The following ANO2 variants were observed in gnomAD, a reference collection of about 807,000 sequenced individuals.
The protein encoded by ANO2 is anoctamin-2.
A neutral mutation model predicts 124.2 loss-of-function variants in ANO2; 101 were observed. The observed-to-expected ratio is 0.81, with a 90% CI of 0.69 to 0.96. The LOEUF (loss-of-function observed/expected upper bound fraction) is 0.96, where lower values mean the gene tolerates loss of function less well. ANO2 is among the 40% of genes least tolerant of loss of function. The pLI is 0.00. For missense variants in ANO2, 1,293 were observed against 1,274.5 expected (o/e 1.01, Z -0.22); for synonymous variants, 486 against 482.5 (o/e 1.01, Z -0.09).
chr12:5,756,190 T>C (rs1267590580), intron 10 of ANO2, among the ~76,000 whole-genome samples: 1 of 152,092 alleles, frequency 6.6e-6, no homozygotes, highest in Non-Finnish European at 1.5e-5. Context: ...TCTTCAGTTC[T>C]AGGATTTCAC....
At chr12:5,822,616 C>T (rs906773887) in intron 7 of ANO2, among the ~76,000 whole-genome samples, 1 of 152,140 alleles carries the variant, frequency 6.6e-6, no homozygotes, top group Non-Finnish European at 1.5e-5. Flanking sequence ...GGCACCATTC[C>T]TGGGGGTGAT....
At chr12:5,652,583 A>T (rs1946966186) in intron 14 of ANO2, among the ~76,000 whole-genome samples, 2 of 152,008 alleles carry the variant, frequency 1.3e-5, no homozygotes, top group South Asian at 4.2e-4. Flanking sequence ...AAGCTGTGAT[A>T]GTTTCTCAGA....
intron 16 of ANO2, among the ~76,000 whole-genome samples, chr12:5,626,303 G>A (rs979379425): frequency 1.3e-5 from 2 of 152,114 alleles, no homozygotes; most frequent in Non-Finnish European, 2.9e-5. Context: ...TCAGGGTGTC[G>A]GATGGCATCC....
At chr12:5,659,453 A>G (rs1409125000) in intron 14 of ANO2, among the ~76,000 whole-genome samples, 2 of 152,024 alleles carry the variant, frequency 1.3e-5, no homozygotes, top group African/African-American at 4.8e-5. Context: ...CCTATGACTG[A>G]CCCTCGAAGC....
At chr12:5,694,917 T>C (rs1165369281) in intron 14 of ANO2, among the ~76,000 whole-genome samples, 2 of 152,048 alleles carry the variant, frequency 1.3e-5, no homozygotes, top group Non-Finnish European at 2.9e-5. Context: ...GTTTCCTCAT[T>C]AGAGAAACAG....
intron 10 of ANO2, among the ~76,000 whole-genome samples, chr12:5,796,227 G>T (rs1199045964): frequency 4.7e-5 from 7 of 147,966 alleles, no homozygotes; most frequent in African/African-American, 1.8e-4. Flanking sequence ...TGACACACAT[G>T]AACACACTCA....
chr12:5,770,992 A>G lies in ANO2; in HGVS notation c.1056-20022T>C, dbSNP rs554020581. 3.3e-5 allele frequency among the ~76,000 whole-genome samples: 5 copies of G among 152,044 alleles called. No individual in the cohort carries two copies. In the South Asian group the frequency reaches 1.0e-3, roughly 32 times the overall value. On this transcript the variant is annotated intron_variant, in intron 10 of 24. Transcript: ENST00000682330. ...GATCACCCCATCCCAAATGGCCCCA[A>G]CCTCTCTTCCTGCTTCGTCTTTCCT...
At chr12:5,824,836 A>T (rs555645797) in intron 7 of ANO2, among the ~76,000 whole-genome samples, 21 of 152,254 alleles carry the variant, frequency 1.4e-4, no homozygotes, top group African/African-American at 4.8e-4. Flanking sequence ...TCATGGTGGG[A>T]GGGGAAAGGC....
chr12:5,707,472 G>A (rs953042705), intron 14 of ANO2, among the ~76,000 whole-genome samples: 4 of 152,066 alleles, frequency 2.6e-5, no homozygotes, highest in Non-Finnish European at 5.9e-5. Flanking sequence ...ATTACCACTC[G>A]GTGAGTTAGG....
chr12:5,788,823 T>A (rs987163897), intron 10 of ANO2, among the ~76,000 whole-genome samples: 1 of 152,236 alleles, frequency 6.6e-6, no homozygotes, highest in Non-Finnish European at 1.5e-5. Flanking sequence ...CCTCTCAAAG[T>A]GCTGGGATTA....
chr12:5,564,926 C>T (rs144545123), intron 24 of ANO2, among the ~76,000 whole-genome samples: 166 of 152,244 alleles, frequency 1.1e-3, no homozygotes, highest in East Asian at 3.9e-3. Context: ...GATCTGGGCT[C>T]GTTCTCCAGC....
intron 7 of ANO2, among the ~76,000 whole-genome samples, chr12:5,816,170 A>C (rs1953603822): frequency 1.3e-5 from 2 of 150,858 alleles, no homozygotes. Flanking sequence ...TTTAATGAGG[A>C]AACAACCTTC....
intron 20 of ANO2, among the ~76,000 whole-genome samples, chr12:5,592,437 T>C (rs946403122): frequency 6.6e-6 from 1 of 152,002 alleles, no homozygotes; most frequent in African/African-American, 2.4e-5. Context: ...GTAGGCGACA[T>C]GGCATAGGCA....
At chr12:5,927,601 T>G (rs890873565) in intron 1 of ANO2, among the ~76,000 whole-genome samples, 1 of 152,178 alleles carries the variant, frequency 6.6e-6, no homozygotes, top group African/African-American at 2.4e-5. Flanking sequence ...AACGACCATT[T>G]CCTCATTTAA....
chr12:5,739,448 G>T lies in ANO2; in HGVS notation c.1352-49C>A, dbSNP rs142948984. 4.0e-6 allele frequency: 6 copies of T among 1,492,642 alleles called. No homozygotes were observed. In the Admixed American group the frequency reaches 1.2e-4, roughly 29 times the overall value. 92.5% of individuals were successfully genotyped at this position (1,492,642 alleles called of 1,614,324 possible). On this transcript the variant is annotated intron_variant, in intron 12 of 24. Transcript: ENST00000682330. ...AAACCTTGATTATTTTTGAAGAGTG[G>T]ATTCTGTACCCTTTGGGCTCACCAG...
chr12:5,624,816 G>A (rs1219436892), intron 16 of ANO2, among the ~76,000 whole-genome samples: 8 of 152,170 alleles, frequency 5.3e-5, no homozygotes, highest in Non-Finnish European at 1.2e-4. Flanking sequence ...AGAAGCAGAA[G>A]GAAAGGGCGA....
At chr12:5,876,101 T>C (rs1458071357) in intron 3 of ANO2, among the ~76,000 whole-genome samples, 1 of 152,116 alleles carries the variant, frequency 6.6e-6, no homozygotes, top group Non-Finnish European at 1.5e-5. Flanking sequence ...GAAGGAAGCA[T>C]CCCCCTCAGT....
chr12:5,827,851 T>G, intron 6 of ANO2, 31 bp from the exon 7 acceptor site: 1 of 1,598,842 alleles, frequency 6.3e-7, no homozygotes, highest in Non-Finnish European at 8.5e-7. Flanking sequence ...AGCTGTGAGC[T>G]CCTAGTTCCC....
rs549045164 is a variant in ANO2 at position 5,635,923 on chromosome 12, G to A, written c.1621-576C>T. ...GAAAGCCATTGAAGGTACCTGAGCT[G>A]AGAAGGGATGAGTTACAGCTTGATA... On this transcript the variant is annotated intron_variant, in intron 15 of 24. Transcript: ENST00000682330. This position sits in a 1 kb window ranked among gnomAD's most constrained non-coding sequence, Gnocchi z 5.2. Among the ~76,000 whole-genome samples, 1 of 152,276 alleles carries A rather than the reference G, an allele frequency of 6.6e-6. No individual in the cohort carries two copies. Among genetic ancestry groups the A allele is most frequent in the East Asian group, 1.9e-4 (1 of 5,182 alleles).
Sources: allele counts gnomAD v4.1 joint callset (sites outside exome capture counted in the v4.1 genomes callset), GRCh38; gene constraint gnomAD v4.1.1; non-coding constraint Gnocchi (gnomAD v3.1); transcripts MANE v1.5; gene names NCBI Gene and HGNC (gene_info 2026-07-23, HGNC 2026-07-21).